ANKRD26: variants seen among roughly 807,000 people sequenced by gnomAD.
The protein encoded by ANKRD26 is ankyrin repeat domain-containing protein 26.
ANKRD26 carries 141 observed loss-of-function variants against 208.7 expected under a neutral mutation model. The observed-to-expected ratio is 0.68, with a 90% confidence interval of 0.59 to 0.78. ANKRD26 has a LOEUF of 0.78. Ranked by LOEUF, ANKRD26 falls within the 30% of genes least tolerant of loss-of-function variation. ANKRD26 has a pLI of 0.00. For synonymous variants in ANKRD26, 636 were observed against 660.4 expected (o/e 0.96, Z 0.57); for missense variants, 1,889 against 1,938.7 (o/e 0.97, Z 0.48).
rs2053787903 is a variant in ANKRD26, at chr10:27,029,367, GAAT to G, written c.3808-14_3808-12del. 1.2e-6 allele frequency: 2 copies of G among 1,607,862 alleles called. No homozygotes were observed. Among genetic ancestry groups the G allele is most frequent in the Non-Finnish European group, 1.7e-6 (2 of 1,176,232 alleles). On this transcript the variant is annotated splice_polypyrimidine_tract_variant and intron_variant, in intron 25 of 33. Transcript: ENST00000376087. Reference sequence around the variant, plus strand: ...CTGTGCTTCTTGCAACTAAAACAAAGAATAAAAAAAACCCACTTTACTAATAAT... The same window carrying G: ...CTGTGCTTCTTGCAACTAAAACAAAGAAAAAAAACCCACTTTACTAATAAT...
chr10:27,068,258 T>C (rs2055339363), intron 9 of ANKRD26, among the ~76,000 whole-genome samples: 1 of 152,230 alleles, frequency 6.6e-6, no homozygotes, highest in Non-Finnish European at 1.5e-5. Context: ...CTGATGGTTT[T>C]ACAAGTGTTT....
chr10:26,952,560 A>T, the ANKRD26 span, among the ~76,000 whole-genome samples: 5 of 152,118 alleles, frequency 3.3e-5, no homozygotes, highest in African/African-American at 1.2e-4. Context: ...AATAAAACTG[A>T]TACTGATTGA....
At chr10:27,084,226 A>C (rs2056033050) in intron 5 of ANKRD26, among the ~76,000 whole-genome samples, 1 of 145,898 alleles carries the variant, frequency 6.9e-6, no homozygotes, top group Non-Finnish European at 1.5e-5. Flanking sequence ...CTCAAAAAAA[A>C]AAAAAAAAAG....
Position 27,022,649 on chromosome 10 carries a change from T to G in ANKRD26, c.4124A>C (p.Asn1375Thr), listed in dbSNP as rs1468890522. 6.3e-7 allele frequency: 1 copy of G among 1,583,162 alleles called. No homozygotes were observed. The highest frequency in any genetic ancestry group is 8.6e-7 in the Non-Finnish European group (1 of 1,156,868). Residue 1375 changes from asparagine (N) to threonine (T), a missense_variant, in exon 29 of 34, where the codon AAT (asparagine) becomes ACT (threonine). By Grantham distance (65) the Asn-to-Thr change is moderately conservative (BLOSUM62 0). Coordinates refer to ENST00000376087, the MANE Select transcript of ANKRD26 (RefSeq NM_014915.3). ...NLLKMTRKKL[N>T]EYENGEFSFH... ...ACTAAATTCTCCATTTTCATATTCA[T>G]TTAACTTCTTTCTTGTCATTTTTAA... is the stretch of plus-strand genomic sequence containing the variant.
chr10:27,035,158 G>T lies in ANKRD26; in HGVS notation c.3292C>A (p.Gln1098Lys). 1 of 1,613,852 alleles carries T rather than the reference G, an allele frequency of 6.2e-7. No individual in the cohort carries two copies. Among genetic ancestry groups the T allele is most frequent in the East Asian group, 2.2e-5 (1 of 44,878 alleles). Residue 1098 changes from glutamine (Q) to lysine (K), a missense_variant, in exon 24 of 34, where the codon CAA (glutamine) becomes AAA (lysine). By Grantham distance (53) the Gln-to-Lys change is moderately conservative (BLOSUM62 1). Coordinates refer to ENST00000376087, the MANE Select transcript of ANKRD26 (RefSeq NM_014915.3). ...CACTGTGTTTGGCTTAGGTCCTTTTGTACCCGTTCTAAACCCAAAGTCTTT... is the reference window on the plus strand; with the variant it reads ...CACTGTGTTTGGCTTAGGTCCTTTTTTACCCGTTCTAAACCCAAAGTCTTT... ...REKTLGLERV[Q>K]KDLSQTQCQM...
chr10:27,034,871 A>C lies in ANKRD26; in HGVS notation c.3579T>G (p.Asn1193Lys), dbSNP rs749992417. Residue 1193 changes from asparagine (N) to lysine (K), a missense_variant, in exon 24 of 34, where the codon AAT (asparagine) becomes AAG (lysine). Physicochemically the swap from Asn to Lys is moderately conservative, Grantham distance 94. Transcript: ENST00000376087. Reference protein sequence around the residue: ...EKQSLLLEERNKELISECNHL... With the variant: ...EKQSLLLEERKKELISECNHL... Reference sequence around the variant, plus strand: ...GATTACATTCACTGATTAACTCCTTATTTCTTTCTTCTAGCAGAAGACTTT... The same window carrying C: ...GATTACATTCACTGATTAACTCCTTCTTTCTTTCTTCTAGCAGAAGACTTT... 2.4e-5 allele frequency: 38 copies of C among 1,613,034 alleles called. No individual in the cohort carries two copies. The South Asian group carries it at 3.9e-4, about 16-fold the overall frequency.
chr10:27,055,082 T>C (rs1304097786), intron 15 of ANKRD26, among the ~76,000 whole-genome samples: 2 of 152,174 alleles, frequency 1.3e-5, no homozygotes, highest in Non-Finnish European at 2.9e-5. Flanking sequence ...ATATTTAGGA[T>C]ATAGAATATC....
intron 9 of ANKRD26, among the ~76,000 whole-genome samples, chr10:27,074,335 G>A (rs2055612328): frequency 6.6e-6 from 1 of 152,176 alleles, no homozygotes; most frequent in Admixed American, 6.5e-5. Context: ...ATATTTTAAA[G>A]AAAAACCAAT....
At chr10:27,099,554 A>T (rs1589390941) in intron 1 of ANKRD26, among the ~76,000 whole-genome samples, 1 of 98,102 alleles carries the variant, frequency 1.0e-5, no homozygotes, top group Non-Finnish European at 2.1e-5. Context: ...AGCTGAGACT[A>T]TTAGAGTTGG....
the ANKRD26 span, among the ~76,000 whole-genome samples, chr10:26,968,085 G>C: frequency 6.6e-6 from 1 of 151,952 alleles, no homozygotes; most frequent in Non-Finnish European, 1.5e-5. Context: ...GTCTTCCCAC[G>C]GTCCTCAAGA....
chr10:27,100,126 C>A lies in ANKRD26; in HGVS notation c.201G>T (p.Leu67Phe), dbSNP rs781760065. 1 of 1,614,156 alleles carries A rather than the reference C, an allele frequency of 6.2e-7. No individual in the cohort carries two copies. Among genetic ancestry groups the A allele is most frequent in the Non-Finnish European group, 8.5e-7 (1 of 1,179,990 alleles). Residue 67 changes from leucine (L) to phenylalanine (F), a missense_variant, in exon 1 of 34, where the codon TTG becomes TTT. Physicochemically the swap from Leu to Phe is conservative, Grantham distance 22. Transcript: ENST00000376087. ...TATCGTTCAAGCCATTCTTCCTGAG[C>A]AAAAGGATCTGCTGCACTTTCGCCA... ...GNVAKVQQILLLRKNGLNDRD... is the reference protein window; with the variant it reads ...GNVAKVQQILFLRKNGLNDRD...
intron 9 of ANKRD26, among the ~76,000 whole-genome samples, chr10:27,075,516 T>C (rs1320725660): frequency 6.6e-6 from 1 of 152,234 alleles, no homozygotes; most frequent in African/African-American, 2.4e-5. Context: ...TATATAACGA[T>C]AAAAGGATCG....
At chr10:27,021,395 C>T (rs1436974137) in intron 29 of ANKRD26, among the ~76,000 whole-genome samples, 1 of 152,178 alleles carries the variant, frequency 6.6e-6, no homozygotes, top group South Asian at 2.1e-4. Context: ...TACTACTTTA[C>T]ATTCCCACCA....
chr10:27,039,817 G>A, intron 21 of ANKRD26, 148 bp downstream of exon 21: 1 of 675,086 alleles, frequency 1.5e-6, no homozygotes, highest in Non-Finnish European at 2.5e-6. Context: ...TTAAGAACTA[G>A]TTATATTATT....
At chr10:26,989,751 G>T (rs2052453014), downstream of ANKRD26, among the ~76,000 whole-genome samples, 1 of 152,160 alleles carries the variant, frequency 6.6e-6, no homozygotes, top group Admixed American at 6.5e-5. Context: ...AGGAGGTAGG[G>T]TCTTGGAGGT....
intron 29 of ANKRD26, among the ~76,000 whole-genome samples, chr10:27,021,549 G>C (rs1310416627): frequency 6.6e-6 from 1 of 152,106 alleles, no homozygotes; most frequent in African/African-American, 2.4e-5. Flanking sequence ...GTGATGTTGA[G>C]CATTTTTTCC....
intron 16 of ANKRD26, among the ~76,000 whole-genome samples, chr10:27,050,236 A>G (rs1313804347): frequency 6.7e-6 from 1 of 149,500 alleles, no homozygotes; most frequent in Non-Finnish European, 1.5e-5. Flanking sequence ...AAAAAAAAAA[A>G]AAAAAAAAAA....
Position 27,005,501 on chromosome 10 carries a change from C to T in ANKRD26, c.*89G>A, listed in dbSNP as rs539837222. The T allele has an allele frequency of 1.6e-4, 249 of 1,544,400 alleles. No individual in the cohort carries two copies. Among genetic ancestry groups the T allele is most frequent in the Non-Finnish European group, 2.0e-4 (234 of 1,143,856 alleles). The stretch of plus-strand genomic sequence containing the variant: ...ATCTGACATATATGATACAAAAATA[C>T]GTTCCTTTAATATTTTTACATGTCA... On this transcript the variant is annotated 3_prime_UTR_variant, in exon 34 of 34. Coordinates refer to ENST00000376087, the MANE Select transcript of ANKRD26 (RefSeq NM_014915.3).
chr10:27,049,351 T>C (rs2054569603), intron 16 of ANKRD26, among the ~76,000 whole-genome samples: 1 of 152,208 alleles, frequency 6.6e-6, no homozygotes, highest in South Asian at 2.1e-4. Flanking sequence ...AGACACAAGA[T>C]GCATCTTCTT....
Sources: gnomAD v4.1 joint callset for allele counts (sites outside exome capture counted in the v4.1 genomes callset) on GRCh38, gnomAD v4.1.1 for gene constraint, MANE v1.5 for transcripts, NCBI Gene and HGNC (gene_info 2026-07-23, HGNC 2026-07-21) for gene names.